Variants in SGCD observed in about 807,000 individuals in gnomAD.
SGCD encodes sarcoglycan delta, also known as delta-sarcoglycan.
In SGCD, 18 loss-of-function variants were observed where a neutral mutation model predicts 36.6. The observed-to-expected ratio is 0.49, with a 90% CI of 0.34 to 0.73. SGCD has a LOEUF of 0.73. Ranked by LOEUF, SGCD falls within the 30% of genes least tolerant of loss-of-function variation. The pLI, the probability that SGCD is intolerant of heterozygous loss-of-function variation, is 0.01. For synonymous variants in SGCD, 133 were observed against 130.6 expected, an observed-to-expected ratio of 1.02 and a Z score of -0.12; for missense variants, 387 against 346.7, an observed-to-expected ratio of 1.12 and a Z score of -0.92.
intron 1 of SGCD, among the ~76,000 whole-genome samples, chr5:156,083,363 C>T (rs983755806): frequency 2.7e-5 from 4 of 150,516 alleles, no homozygotes; most frequent in Non-Finnish European, 4.4e-5. Flanking sequence ...GGCGTGATCT[C>T]GGCTCACTGC....
chr5:156,164,007 A>G (rs1429783939), intron 3 of SGCD, among the ~76,000 whole-genome samples: 1 of 144,364 alleles, frequency 6.9e-6, no homozygotes, highest in Non-Finnish European at 1.5e-5. Context: ...TGGGCGACAG[A>G]GCGAGACTCT....
intron 3 of SGCD, among the ~76,000 whole-genome samples, chr5:156,353,076 A>G (rs1443349943): frequency 6.6e-6 from 1 of 152,248 alleles, no homozygotes; most frequent in African/African-American, 2.4e-5. Flanking sequence ...AAAGCCAGAG[A>G]GAACAGCCAG....
At chr5:155,802,073 G>A in the SGCD span, among the ~76,000 whole-genome samples, 6 of 152,174 alleles carry the variant, frequency 3.9e-5, no homozygotes, top group South Asian at 2.1e-4. Flanking sequence ...AAAAGTGGAC[G>A]CCTGACCCAA....
At chr5:156,173,327 GT>G (rs550390648) in intron 3 of SGCD, among the ~76,000 whole-genome samples, 63 of 152,222 alleles carry the variant, frequency 4.1e-4, no homozygotes, top group African/African-American at 1.4e-3. Flanking sequence ...TTTTTAAATG[GT>G]TTTTACTAAC....
At chr5:156,599,558 T>C in intron 6 of SGCD, among the ~76,000 whole-genome samples, 1 of 152,146 alleles carries the variant, frequency 6.6e-6, no homozygotes, top group Non-Finnish European at 1.5e-5. Context: ...ATTTTAAAAA[T>C]TTTTCTCTGG....
chr5:156,160,378 T>G (rs903226641), intron 3 of SGCD, among the ~76,000 whole-genome samples: 8 of 151,698 alleles, frequency 5.3e-5, no homozygotes, highest in African/African-American at 1.9e-4. Context: ...ACTTTCTATA[T>G]TTTATTCCTG....
rs544280056 is a variant in SGCD at position 156,373,038 on chromosome 5, G to C, written c.192+28361G>C. On this transcript the variant is annotated intron_variant, in intron 3 of 8. Coordinates refer to ENST00000337851, the MANE Select transcript of SGCD (RefSeq NM_000337.6). The stretch of plus-strand genomic sequence containing the variant: ...GTGTCTTCTTTCATACCACCCCAGA[G>C]AGATGGAATGGCCATTCTTGATCAT... 3.1e-4 allele frequency among the ~76,000 whole-genome samples: 47 copies of C among 152,166 alleles called. No individual in the cohort carries two copies. In the South Asian group the frequency reaches 8.3e-3, roughly 27 times the overall value.
chr5:156,451,747 A>C (rs1258790195), intron 3 of SGCD, among the ~76,000 whole-genome samples: 1 of 152,170 alleles, frequency 6.6e-6, no homozygotes, highest in Non-Finnish European at 1.5e-5. Flanking sequence ...AGAATATCAA[A>C]CTACAATATG....
intron 1 of SGCD, among the ~76,000 whole-genome samples, chr5:156,024,472 C>T (rs1759181351): frequency 6.6e-6 from 1 of 151,796 alleles, no homozygotes; most frequent in Admixed American, 6.6e-5. Context: ...GCCTCTAGTA[C>T]CTCTCTTGAC....
intron 3 of SGCD, among the ~76,000 whole-genome samples, chr5:156,161,719 A>T (rs1327190337): frequency 2.0e-5 from 3 of 151,804 alleles, no homozygotes; most frequent in Non-Finnish European, 4.4e-5. Context: ...TTTGCAGTGT[A>T]GACATGAACA....
intron 7 of SGCD, among the ~76,000 whole-genome samples, chr5:156,713,926 T>C (rs1378765221): frequency 1.3e-5 from 2 of 152,242 alleles, no homozygotes; most frequent in Non-Finnish European, 2.9e-5. Flanking sequence ...AAAGAGCTAA[T>C]TGTGGCATTC....
intron 3 of SGCD, among the ~76,000 whole-genome samples, chr5:156,416,683 T>G (rs1773054960): frequency 1.3e-5 from 2 of 152,196 alleles, no homozygotes; most frequent in Non-Finnish European, 2.9e-5. Context: ...GACAAACTCC[T>G]TCATCTCTCT....
intron 3 of SGCD, among the ~76,000 whole-genome samples, chr5:156,456,242 T>C (rs1429144991): frequency 6.6e-6 from 1 of 152,106 alleles, no homozygotes; most frequent in Non-Finnish European, 1.5e-5. Context: ...CCTCCTTGAA[T>C]GTTGGTAGAT....
At chr5:155,838,865 T>G in the SGCD span, among the ~76,000 whole-genome samples, 1 of 152,010 alleles carries the variant, frequency 6.6e-6, no homozygotes, top group Admixed American at 6.6e-5. Context: ...TATGTTAACA[T>G]TGATAACCAA....
rs1581065726 is a variant in SGCD, at chr5:156,053,776, T to C, written c.-281-64102T>C. On this transcript the variant is annotated intron_variant, in intron 1 of 9. Coordinates refer to the SGCD transcript ENST00000517913. ...CAAAATACTTTAAGCTGGGTAGTTA[T>C]AAACAACAGAAATTTATTGCTCACA... is the stretch of plus-strand genomic sequence containing the variant. Among the ~76,000 whole-genome samples, 2 of 146,500 alleles carry C rather than the reference T, an allele frequency of 1.4e-5. 1 individual carries two copies. Among genetic ancestry groups the C allele is most frequent in the Admixed American group, 1.4e-4 (2 of 14,638 alleles).
chr5:155,938,155 C>G (rs1246341543), intron 1 of SGCD, among the ~76,000 whole-genome samples: 1 of 152,202 alleles, frequency 6.6e-6, no homozygotes, highest in Non-Finnish European at 1.5e-5. Context: ...ACAGAGGAAG[C>G]AGTGATTGCT....
upstream of SGCD, among the ~76,000 whole-genome samples, chr5:155,868,364 T>TC (rs956190699): frequency 1.5e-5 from 2 of 132,832 alleles, no homozygotes; most frequent in African/African-American, 5.7e-5. Context: ...TTTTTTCTTT[T>TC]TTTTTTTTTT....
rs1339856708 is a variant in SGCD at position 156,760,482 on chromosome 5, T to G, written c.*1092T>G. On this transcript the variant is annotated 3_prime_UTR_variant, in exon 9 of 9. Transcript: ENST00000337851. Reference sequence around the variant, plus strand: ...CACAAACTCTCTGACTTTGTTCTTCTTATATATTTTTTCAGTGCCGGGATA... The same window carrying G: ...CACAAACTCTCTGACTTTGTTCTTCGTATATATTTTTTCAGTGCCGGGATA... The G allele has an allele frequency of 6.6e-6, 1 of 152,336 alleles. No individual in the cohort carries two copies. Among genetic ancestry groups the G allele is most frequent in the Non-Finnish European group, 1.5e-5 (1 of 68,046 alleles). The allele number at this position is 152,336 out of a possible 1,614,324, so 9.4% of individuals were successfully genotyped here.
At chr5:155,874,759 A>G (rs143096107) in intron 1 of SGCD, among the ~76,000 whole-genome samples, 16 of 152,214 alleles carry the variant, frequency 1.1e-4, no homozygotes, top group African/African-American at 3.6e-4. Context: ...GAAACTGAAA[A>G]TACCAGGTAT....
Sources: gnomAD v4.1 joint callset for allele counts (sites outside exome capture counted in the v4.1 genomes callset) on GRCh38, gnomAD v4.1.1 for gene constraint, MANE v1.5 for transcripts, NCBI Gene and HGNC (gene_info 2026-07-23, HGNC 2026-07-21) for gene names.